The following CCDC178 variants were observed in gnomAD, a reference collection of about 807,000 sequenced individuals.
The protein encoded by CCDC178 is coiled-coil domain containing 178, also known as coiled-coil domain-containing protein 178.
Under a neutral mutation model 117.4 loss-of-function variants are expected in CCDC178, and 126 were observed. That is an observed-to-expected ratio of 1.07 (90% confidence interval 0.93 to 1.24). The LOEUF (loss-of-function observed/expected upper bound fraction) is 1.24, where lower values mean the gene tolerates loss of function less well. Ranked by LOEUF, CCDC178 falls within the 50% of genes most tolerant of loss-of-function variation. CCDC178 has a pLI of 0.00. For missense variants in CCDC178, 1,030 were observed against 986.9 expected, an observed-to-expected ratio of 1.04 and a Z score of -0.59; for synonymous variants, 283 against 313.4, an observed-to-expected ratio of 0.90 and a Z score of 1.02.
intron 2 of CCDC178, among the ~76,000 whole-genome samples, chr18:33,421,770 T>C (rs1363690067): frequency 6.6e-6 from 1 of 152,110 alleles, no homozygotes. Flanking sequence ...AATAAATAGA[T>C]AATTTGGTGG....
intron 3 of CCDC178, among the ~76,000 whole-genome samples, chr18:33,404,586 A>T (rs2063756207): frequency 6.6e-6 from 1 of 152,112 alleles, no homozygotes; most frequent in Non-Finnish European, 1.5e-5. Flanking sequence ...TTACAAAATG[A>T]CCCAGCAATT....
chr18:33,229,622 C>G lies in CCDC178; in HGVS notation c.1594-2767G>C, dbSNP rs569583892. 7.9e-5 allele frequency among the ~76,000 whole-genome samples: 12 copies of G among 152,258 alleles called. No homozygotes were observed. The South Asian group carries it at 2.3e-3, about 29-fold the overall frequency. Reference sequence around the variant, plus strand: ...GATGGAACCAGGATACTAATTTACACAATGTGACAGAGAGCATCTCAGTGA... The same window carrying G: ...GATGGAACCAGGATACTAATTTACAGAATGTGACAGAGAGCATCTCAGTGA... On this transcript the variant is annotated intron_variant, in intron 15 of 22. Transcript: ENST00000383096.
At chr18:33,361,118 G>A (rs1313856604) in intron 6 of CCDC178, among the ~76,000 whole-genome samples, 1 of 151,608 alleles carries the variant, frequency 6.6e-6, no homozygotes, top group African/African-American at 2.4e-5. Context: ...AATCAAAACA[G>A]TATGGTCCTG....
chr18:33,318,099 A>C (rs900204452), intron 11 of CCDC178, among the ~76,000 whole-genome samples: 2 of 152,180 alleles, frequency 1.3e-5, no homozygotes, highest in South Asian at 2.1e-4. Context: ...CCTTGCTTTT[A>C]ATGTCCAACC....
intron 21 of CCDC178, among the ~76,000 whole-genome samples, chr18:33,050,044 G>A (rs1330665770): frequency 2.0e-5 from 3 of 152,062 alleles, no homozygotes; most frequent in Non-Finnish European, 4.4e-5. Flanking sequence ...TCCTGCCACT[G>A]CACTCCAGCC....
At chr18:33,270,539 A>G (rs1185912579) in intron 12 of CCDC178, among the ~76,000 whole-genome samples, 1 of 151,690 alleles carries the variant, frequency 6.6e-6, no homozygotes, top group African/African-American at 2.4e-5. Context: ...AATATGATTA[A>G]CAGACAATTT....
At chr18:33,386,879 A>C (rs921341621) in intron 5 of CCDC178, among the ~76,000 whole-genome samples, 1 of 152,092 alleles carries the variant, frequency 6.6e-6, no homozygotes, top group Non-Finnish European at 1.5e-5. Flanking sequence ...CAATCACGTA[A>C]GGGAAAAAAT....
At chr18:33,380,841 GCAA>G (rs1299464145) in intron 5 of CCDC178, among the ~76,000 whole-genome samples, 3 of 152,172 alleles carry the variant, frequency 2.0e-5, no homozygotes, top group Admixed American at 2.0e-4. Context: ...TGAAGAAAAA[GCAA>G]CAACTTTATT....
chr18:33,158,373 T>G (rs1275039138), intron 20 of CCDC178, among the ~76,000 whole-genome samples: 1 of 152,168 alleles, frequency 6.6e-6, no homozygotes, highest in East Asian at 1.9e-4. Flanking sequence ...AAATCATTGT[T>G]AATTGTAAAT....
intron 21 of CCDC178, among the ~76,000 whole-genome samples, chr18:33,000,112 C>A (rs2055600773): frequency 6.6e-6 from 1 of 151,458 alleles, no homozygotes; most frequent in Non-Finnish European, 1.5e-5. Context: ...AGAAAGAATT[C>A]AGAATCCTAT....
chr18:33,161,866 C>A (rs1407596492), intron 20 of CCDC178, among the ~76,000 whole-genome samples: 1 of 152,026 alleles, frequency 6.6e-6, no homozygotes, highest in Admixed American at 6.6e-5. Flanking sequence ...GTGAATAGTG[C>A]CACAATAAAC....
chr18:33,211,835 G>T, intron 20 of CCDC178, 61 bp downstream of exon 20: 1 of 1,391,148 alleles, frequency 7.2e-7, no homozygotes, highest in African/African-American at 1.5e-5. Context: ...TCTCAAACTA[G>T]CTGCTAATTT....
intron 18 of CCDC178, among the ~76,000 whole-genome samples, chr18:33,219,653 T>A (rs1259153021): frequency 6.6e-6 from 1 of 152,090 alleles, no homozygotes; most frequent in Non-Finnish European, 1.5e-5. Context: ...TAAGCCATCA[T>A]TCTCAGCAAA....
intron 12 of CCDC178, among the ~76,000 whole-genome samples, chr18:33,289,503 A>G (rs1432182173): frequency 6.6e-6 from 1 of 152,054 alleles, no homozygotes; most frequent in East Asian, 1.9e-4. Flanking sequence ...AATCCCAGCT[A>G]CTGGGGAGGC....
chr18:32,986,939 G>T (rs766031338), intron 21 of CCDC178, among the ~76,000 whole-genome samples: 8 of 151,746 alleles, frequency 5.3e-5, no homozygotes, highest in Non-Finnish European at 1.0e-4. Flanking sequence ...AATTAAATAT[G>T]CATGGTCTAT....
intron 2 of CCDC178, among the ~76,000 whole-genome samples, chr18:33,435,158 A>C (rs1277093948): frequency 1.3e-5 from 2 of 152,168 alleles, no homozygotes; most frequent in Non-Finnish European, 2.9e-5. Flanking sequence ...TATTCCACTT[A>C]AGAGTTAATT....
intron 21 of CCDC178, among the ~76,000 whole-genome samples, chr18:33,069,523 T>C (rs2057073829): frequency 6.6e-6 from 1 of 152,010 alleles, no homozygotes; most frequent in South Asian, 2.1e-4. Flanking sequence ...GCAAAAATCA[T>C]CTCGAGTCAA....
intron 5 of CCDC178, among the ~76,000 whole-genome samples, chr18:33,374,397 T>C (rs1358370435): frequency 1.3e-5 from 2 of 152,156 alleles, no homozygotes; most frequent in Admixed American, 1.3e-4. Flanking sequence ...TCATTAGTCA[T>C]AGTCATCAAG....
At chr18:32,993,417 A>G (rs1453068873) in intron 21 of CCDC178, among the ~76,000 whole-genome samples, 1 of 151,828 alleles carries the variant, frequency 6.6e-6, no homozygotes, top group Admixed American at 6.6e-5. Flanking sequence ...TAATCTGCAT[A>G]TAATTAAAAA....
Sources: gnomAD v4.1 joint callset for allele counts (sites outside exome capture counted in the v4.1 genomes callset) on GRCh38, gnomAD v4.1.1 for gene constraint, MANE v1.5 for transcripts, NCBI Gene and HGNC (gene_info 2026-07-23, HGNC 2026-07-21) for gene names.